PRKAR1A: variants seen among roughly 807,000 people sequenced by gnomAD.
PRKAR1A encodes protein kinase cAMP-dependent type I regulatory subunit alpha.
Under a neutral mutation model 52.0 loss-of-function variants are expected in PRKAR1A, and 3 were observed. The observed-to-expected ratio is 0.06, with a 90% CI of 0.03 to 0.15. The LOEUF (loss-of-function observed/expected upper bound fraction) is 0.15. PRKAR1A is among the 10% of genes least tolerant of loss of function. The probability of loss-of-function intolerance (pLI) is 1.00; values close to 1 mark genes in which losing one functional copy is unlikely to be tolerated. For missense variants in PRKAR1A, 240 were observed against 477.4 expected, an observed-to-expected ratio of 0.50 and a Z score of 4.63; for synonymous variants, 188 against 168.4, an observed-to-expected ratio of 1.12 and a Z score of -0.90.
At chr17:68,526,440 A>G (rs1449506312) in intron 7 of PRKAR1A, among the ~76,000 whole-genome samples, 1 of 152,238 alleles carries the variant, frequency 6.6e-6, no homozygotes, top group South Asian at 2.1e-4. Context: ...ATAAATTTAT[A>G]GGATAGCTTT....
chr17:68,434,469 C>A, the PRKAR1A span: 1 of 1,388,730 alleles, frequency 7.2e-7, no homozygotes, highest in Non-Finnish European at 1.0e-6. Context: ...CACAGAGCCA[C>A]TCTCTGTCCT....
chr17:68,540,968 A>G (rs1600521681), intron 11 of PRKAR1A: 5 of 1,573,856 alleles, frequency 3.2e-6, no homozygotes, highest in East Asian at 4.6e-5. Flanking sequence ...CCTGAGGGGG[A>G]GAAGAAGTCC....
chr17:68,453,075 T>TG, the PRKAR1A span: 2 of 1,117,450 alleles, frequency 1.8e-6, no homozygotes, highest in Non-Finnish European at 2.7e-6. Flanking sequence ...TTTTGCCCCC[T>TG]AGCCTCAGGG....
downstream of PRKAR1A, chr17:68,536,863 C>T (rs1236355930): frequency 2.2e-6 from 1 of 454,102 alleles, no homozygotes; most frequent in East Asian, 6.9e-5. Flanking sequence ...GCAAATCCCT[C>T]TTTTATTTTT....
the PRKAR1A span, among the ~76,000 whole-genome samples, chr17:68,415,662 C>T: frequency 6.6e-6 from 1 of 152,268 alleles, no homozygotes; most frequent in Middle Eastern, 3.4e-3. Flanking sequence ...TATCTCATTT[C>T]TTACGTTATT....
chr17:68,515,685 A>G lies in PRKAR1A; in HGVS notation c.177+109A>G, dbSNP rs1600462970. ...TGGAAGAAAAGGAATCTGACTAAAT[A>G]AAAAGTCTAAAACAATTTCAAATAA... On this transcript the variant is annotated intron_variant, in intron 2 of 10. Transcript: ENST00000589228. 1.1e-5 allele frequency: 14 copies of G among 1,293,770 alleles called. No homozygotes were observed. In the East Asian group the frequency reaches 3.5e-4, roughly 33 times the overall value. The allele number at this position is 1,293,770 out of a possible 1,614,324, so 80.1% of individuals were successfully genotyped here. A position where few individuals can be genotyped will look rare whatever the true frequency, so the allele number is the denominator to read the frequency against.
rs2302233 is a variant in PRKAR1A at position 68,530,175 on chromosome 17, A to T, written c.974-102A>T. The T allele has an allele frequency of 0.22, 330,842 of 1,514,986 alleles. 37,365 individuals are homozygous for T. Among genetic ancestry groups the T allele is most frequent in the Middle Eastern group, 0.25 (1,304 of 5,122 alleles). 93.8% of individuals were successfully genotyped at this position (1,514,986 alleles called of 1,614,324 possible). A position where few individuals can be genotyped will look rare whatever the true frequency, so the allele number is the denominator to read the frequency against. ...TGATCTTTACTCATTTAATGAAATT[A>T]CTGATTGTCTCATATCTATTGTCTT... On this transcript the variant is annotated intron_variant, in intron 10 of 10. Transcript: ENST00000589228.
the PRKAR1A span, chr17:68,434,555 C>A: frequency 1.2e-6 from 2 of 1,613,928 alleles, no homozygotes; most frequent in East Asian, 4.5e-5. Context: ...TGAACACAGA[C>A]CTTTTCATCC....
intron 3 of PRKAR1A, among the ~76,000 whole-genome samples, chr17:68,523,273 C>G (rs1163917256): frequency 6.6e-6 from 1 of 152,134 alleles, no homozygotes; most frequent in Non-Finnish European, 1.5e-5. Flanking sequence ...TTCTACGAGC[C>G]TCATTTGTCC....
chr17:68,528,478 ATAGAT>A (rs1180914228), intron 8 of PRKAR1A, among the ~76,000 whole-genome samples: 1 of 152,250 alleles, frequency 6.6e-6, no homozygotes, highest in East Asian at 1.9e-4. Flanking sequence ...AAGAATTTAA[ATAGAT>A]TAAATTATTT....
At chr17:68,459,302 A>C in the PRKAR1A span, among the ~76,000 whole-genome samples, 1 of 152,194 alleles carries the variant, frequency 6.6e-6, no homozygotes, top group Non-Finnish European at 1.5e-5. Context: ...AAAACCTAGA[A>C]TCTGGCATGC....
At chr17:68,466,333 A>G in the PRKAR1A span, among the ~76,000 whole-genome samples, 2 of 151,460 alleles carry the variant, frequency 1.3e-5, no homozygotes, top group Non-Finnish European at 2.9e-5. Flanking sequence ...GTCCACTGTA[A>G]CAACACTGAA....
the PRKAR1A span, among the ~76,000 whole-genome samples, chr17:68,417,555 C>T: frequency 1.3e-5 from 2 of 151,712 alleles, no homozygotes; most frequent in African/African-American, 4.8e-5. Context: ...AGCAATTTGT[C>T]AATTACAGTT....
intron 11 of PRKAR1A, among the ~76,000 whole-genome samples, chr17:68,550,761 T>G (rs1000570912): frequency 2.0e-5 from 3 of 152,208 alleles, no homozygotes; most frequent in Non-Finnish European, 4.4e-5. Context: ...GCTAGTCCAC[T>G]GGACTCCCTG....
the PRKAR1A span, among the ~76,000 whole-genome samples, chr17:68,449,628 T>G: frequency 6.6e-6 from 1 of 152,180 alleles, no homozygotes; most frequent in Non-Finnish European, 1.5e-5. Context: ...CCCACCCGTC[T>G]CTTGGTCCTG....
Position 68,529,980 on chromosome 17 carries a change from T to G in PRKAR1A, c.952T>G (p.Leu318Val). 1 of 1,614,068 alleles carries G rather than the reference T, an allele frequency of 6.2e-7. No individual in the cohort carries two copies. Among genetic ancestry groups the G allele is most frequent in the Non-Finnish European group, 8.5e-7 (1 of 1,179,954 alleles). The change falls in exon 10 of 11, where the codon TTG (leucine) becomes GTG (valine). Residue 318 changes from leucine to valine, a missense_variant. Leu to Val is a conservative substitution (Grantham distance 32, BLOSUM62 1). This residue lies in a region of PRKAR1A where 107 missense variants were observed against 290.9 expected (regional missense o/e 0.37). Transcript: ENST00000589228. The part of the protein sequence containing the change: ...ENEEFVEVGR[L>V]GPSDYFGEIA... Reference sequence around the variant, plus strand: ...TGAAGAGTTTGTTGAAGTGGGAAGATTGGGGCCTTCTGATTATTTTGGTAT... The same window carrying G: ...TGAAGAGTTTGTTGAAGTGGGAAGAGTGGGGCCTTCTGATTATTTTGGTAT...
chr17:68,460,359 T>C, the PRKAR1A span, among the ~76,000 whole-genome samples: 1 of 152,246 alleles, frequency 6.6e-6, no homozygotes, highest in South Asian at 2.1e-4. Flanking sequence ...GGGAAGCCCA[T>C]TGGGTTGCTT....
the PRKAR1A span, among the ~76,000 whole-genome samples, chr17:68,465,453 C>CTAT: frequency 2.0e-5 from 3 of 151,320 alleles, no homozygotes; most frequent in Non-Finnish European, 2.9e-5. Context: ...TCTCAGCTTT[C>CTAT]TATTATTATT....
At chr17:68,478,196 G>A in the PRKAR1A span, among the ~76,000 whole-genome samples, 2 of 152,140 alleles carry the variant, frequency 1.3e-5, no homozygotes, top group African/African-American at 4.8e-5. Flanking sequence ...GCTCATGCCT[G>A]TATTCCCAGC....
Sources: allele counts gnomAD v4.1 joint callset (sites outside exome capture counted in the v4.1 genomes callset), GRCh38; gene constraint gnomAD v4.1.1; regional missense constraint gnomAD v4.1.1; transcripts MANE v1.5; gene names NCBI Gene and HGNC (gene_info 2026-07-23, HGNC 2026-07-21).